IRAG1: variants seen among roughly 807,000 people sequenced by gnomAD.
IRAG1 encodes inositol 1,4,5-triphosphate receptor associated 1, also known as IP3R-associated cGMP kinase substrate.
Under a neutral mutation model 106.2 loss-of-function variants are expected in IRAG1, and 62 were observed. That is an observed-to-expected ratio of 0.58 (90% CI 0.48 to 0.72). The LOEUF (loss-of-function observed/expected upper bound fraction) is 0.72, where lower values mean the gene tolerates loss of function less well. IRAG1 is among the 30% of genes least tolerant of loss of function. The pLI is 0.00. For synonymous variants in IRAG1, 462 were observed against 443.9 expected (o/e 1.04, Z -0.51); for missense variants, 1,064 against 1,140.7 (o/e 0.93, Z 0.97).
chr11:10,591,648 C>T lies in IRAG1; in HGVS notation c.2176-36G>A, dbSNP rs781494593. 16 of 1,545,692 alleles carry T rather than the reference C, an allele frequency of 1.0e-5. No individual in the cohort carries two copies. The Admixed American group carries it at 1.1e-4, about 11-fold the overall frequency. On this transcript the variant is annotated intron_variant, in intron 17 of 20. Coordinates refer to ENST00000423302, the MANE Select transcript of IRAG1 (RefSeq NM_130385.4). ...AACAGAAGACAGAGAATTGAGGATGCGCTATGGAAGGAAGAAGCCAGAGCT... is the reference window on the plus strand; with the variant it reads ...AACAGAAGACAGAGAATTGAGGATGTGCTATGGAAGGAAGAAGCCAGAGCT...
rs1010027973 is a variant in IRAG1, at chr11:10,626,260, T to A, written c.1074A>T (p.Pro358=). 4.4e-6 allele frequency: 7 copies of A among 1,609,164 alleles called. No individual in the cohort carries two copies. In the African/African-American group the frequency reaches 8.0e-5, roughly 18 times the overall value. ...CAGCTGGGCCTCTCCCCTGGGAGGCTGGGGGACCCACTCCTGCCGCATCCT... is the reference window on the plus strand; with the variant it reads ...CAGCTGGGCCTCTCCCCTGGGAGGCAGGGGGACCCACTCCTGCCGCATCCT... The part of the protein sequence containing the change: ...PTQDAAGVGP[P]ASQGRGPAGE... The change falls in exon 9 of 21, where the codon CCA becomes CCT. Residue 358 remains proline, a synonymous_variant. Transcript: ENST00000423302.
chr11:10,690,107 C>A (rs1052097706), intron 1 of IRAG1, among the ~76,000 whole-genome samples: 4 of 152,226 alleles, frequency 2.6e-5, no homozygotes, highest in Non-Finnish European at 4.4e-5. Flanking sequence ...AGTTTTCAGT[C>A]TGGCCGGGTG....
In IRAG1 at chr11:10,609,835, G is replaced by T. The variant is rs117946871; in HGVS notation, c.1464C>A (p.Leu488=). ...AEQEKGLPSE[L]SPAIEEEESK... is the part of the protein sequence containing the mutation. ...ACTCTTCTTCCTCAATAGCTGGGGA[G>T]AGTTCAGAAGGAAGCCCTGAAAAAA... is the stretch of plus-strand genomic sequence containing the variant. Residue 488 remains leucine (L), a synonymous_variant, in exon 11 of 21, where the codon CTC becomes CTA. Coordinates refer to ENST00000423302, the MANE Select transcript of IRAG1 (RefSeq NM_130385.4). 1,107 of 1,613,894 alleles carry T rather than the reference G, an allele frequency of 6.9e-4. 13 individuals are homozygous for T. In the East Asian group the frequency reaches 0.017, roughly 24 times the overall value.
rs919431160 is a variant in IRAG1 at position 10,606,865 on chromosome 11, G to A, written c.1572-93C>T. ...ATGACCAGCAGACCATGTGTTTCCA[G>A]GGGTGGAGTAAGCTGTGTTGGTGAG... On this transcript the variant is annotated intron_variant, in intron 11 of 20. Transcript: ENST00000423302. The A allele has an allele frequency of 8.1e-6, 10 of 1,231,230 alleles. No homozygotes were observed. The African/African-American group carries it at 1.5e-4, about 19-fold the overall frequency. The allele number at this position is 1,231,230 out of a possible 1,614,324, so 76.3% of individuals were successfully genotyped here.
intron 10 of IRAG1, among the ~76,000 whole-genome samples, chr11:10,613,051 T>A (rs892239369): frequency 2.0e-5 from 3 of 151,990 alleles, no homozygotes; most frequent in Non-Finnish European, 2.9e-5. Flanking sequence ...AAGATTGAAG[T>A]ATATGGAGAT....
At chr11:10,671,631 G>C (rs1860232480) in intron 1 of IRAG1, among the ~76,000 whole-genome samples, 2 of 152,112 alleles carry the variant, frequency 1.3e-5, no homozygotes, top group Admixed American at 6.5e-5. Context: ...AGAATCGCTT[G>C]AACCCAGGAG....
Position 10,576,234 on chromosome 11 carries a change from G to A in IRAG1, c.*98C>T. The A allele has an allele frequency of 6.7e-7, 1 of 1,501,230 alleles. No homozygotes were observed. The highest frequency in any genetic ancestry group is 1.2e-5 in the South Asian group (1 of 81,888). The allele number at this position is 1,501,230 out of a possible 1,614,324, so 93.0% of individuals were successfully genotyped here. On this transcript the variant is annotated 3_prime_UTR_variant, in exon 21 of 21. Transcript: ENST00000423302. Reference sequence around the variant, plus strand: ...CCCTTCCTCATGACCTGATGGGATGGGCGGCAGTGTGTCCACACTTGGGCC... The same window carrying A: ...CCCTTCCTCATGACCTGATGGGATGAGCGGCAGTGTGTCCACACTTGGGCC...
intron 2 of IRAG1, among the ~76,000 whole-genome samples, chr11:10,650,511 GA>G (rs916859299): frequency 4.6e-5 from 7 of 152,210 alleles, no homozygotes; most frequent in Admixed American, 3.9e-4. Flanking sequence ...TAGTAAAGTA[GA>G]AGGGGCCAGG....
chr11:10,584,739 A>T (rs1226985791), intron 18 of IRAG1, among the ~76,000 whole-genome samples: 1 of 151,954 alleles, frequency 6.6e-6, no homozygotes, highest in Non-Finnish European at 1.5e-5. Context: ...GCTCCAAAAC[A>T]TGCAAATTAT....
chr11:10,684,474 G>T (rs138333990), intron 1 of IRAG1, among the ~76,000 whole-genome samples: 1,793 of 151,980 alleles, frequency 0.012, 36 homozygotes, highest in African/African-American at 0.04. Flanking sequence ...GGGAGAGCGG[G>T]GAGGGAGAGC....
intron 1 of IRAG1, among the ~76,000 whole-genome samples, chr11:10,674,253 A>C (rs1268025124): frequency 6.6e-6 from 1 of 152,196 alleles, no homozygotes; most frequent in East Asian, 1.9e-4. Flanking sequence ...CAGATGCAAC[A>C]TACACCCCAC....
chr11:10,650,292 A>G (rs1326341749), intron 2 of IRAG1, among the ~76,000 whole-genome samples: 1 of 152,206 alleles, frequency 6.6e-6, no homozygotes, highest in Non-Finnish European at 1.5e-5. Context: ...ATATACTCTG[A>G]AAGAACTTTT....
chr11:10,692,150 G>C (rs376671002), intron 1 of IRAG1, among the ~76,000 whole-genome samples: 22 of 152,054 alleles, frequency 1.4e-4, no homozygotes, highest in African/African-American at 5.3e-4. Flanking sequence ...CATAAAGATA[G>C]GTGCATCCGC....
At chr11:10,601,333 T>G (rs1853980489) in intron 14 of IRAG1, among the ~76,000 whole-genome samples, 2 of 152,030 alleles carry the variant, frequency 1.3e-5, no homozygotes, top group African/African-American at 4.8e-5. Flanking sequence ...AGGGGAGGCT[T>G]CATGGAGAGG....
Position 10,678,034 on chromosome 11 carries a change from A to ATCG in IRAG1, c.67+15501_67+15502insCGA, listed in dbSNP as rs1378841847. ...CTGTCTATCTATCTATCTATCTATC[A>ATCG]TCTATCTGTCTATCCATCCCACATT... On this transcript the variant is annotated intron_variant, in intron 1 of 20. Coordinates refer to ENST00000423302, the MANE Select transcript of IRAG1 (RefSeq NM_130385.4). Among the ~76,000 whole-genome samples, 28 of 141,844 alleles carry ATCG rather than the reference A, an allele frequency of 2.0e-4. 1 individual carries two copies. Among genetic ancestry groups the ATCG allele is most frequent in the African/African-American group, 7.4e-4 (27 of 36,286 alleles). 93.1% of individuals were successfully genotyped at this position (141,844 alleles called of 152,430 possible).
At chr11:10,627,528 C>CGCACCCCT (rs1471651917) in intron 8 of IRAG1, among the ~76,000 whole-genome samples, 188 bp downstream of exon 8, 2 of 152,080 alleles carry the variant, frequency 1.3e-5, no homozygotes, top group African/African-American at 4.8e-5. Flanking sequence ...ATCCTGCCTC[C>CGCACCCCT]CCACCCCTCC....
intron 16 of IRAG1, 32 bp from the exon 17 acceptor site, chr11:10,593,631 C>T (rs372379864): frequency 6.6e-7 from 1 of 1,526,430 alleles, no homozygotes; most frequent in African/African-American, 1.4e-5. Context: ...GGCTCACTGT[C>T]TTGGAGGTAG....
At chr11:10,680,396 G>GGAAA (rs1861109779) in intron 1 of IRAG1, among the ~76,000 whole-genome samples, 1 of 95,136 alleles carries the variant, frequency 1.1e-5, no homozygotes. Context: ...AAGGAAGGAA[G>GGAAA]GAAGGAAGGA....
rs371862341 is a variant in IRAG1 at position 10,687,877 on chromosome 11, G to T, written c.67+5659C>A. The T allele has an allele frequency of 6.2e-3, 3,690 of 598,778 alleles. 4 individuals are homozygous for T. The highest frequency in any genetic ancestry group is 7.3e-3 in the Non-Finnish European group (3,214 of 438,152). 37.1% of individuals were successfully genotyped at this position (598,778 alleles called of 1,614,324 possible). Reference sequence around the variant, plus strand: ...AAGGGATTTAGCTTTGCTTTTTTTTGGGGGGGGGTGGTATTTAACTTTGTA... The same window carrying T: ...AAGGGATTTAGCTTTGCTTTTTTTTTGGGGGGGGTGGTATTTAACTTTGTA... On this transcript the variant is annotated intron_variant, in intron 1 of 20. Coordinates refer to ENST00000423302, the MANE Select transcript of IRAG1 (RefSeq NM_130385.4).
Sources: gnomAD v4.1 joint callset for allele counts (sites outside exome capture counted in the v4.1 genomes callset) on GRCh38, gnomAD v4.1.1 for gene constraint, MANE v1.5 for transcripts, NCBI Gene and HGNC (gene_info 2026-07-23, HGNC 2026-07-21) for gene names.